GRIA2: variants seen among roughly 807,000 people sequenced by gnomAD.
GRIA2 encodes glutamate ionotropic receptor AMPA type subunit 2, also known as glutamate receptor 2.
GRIA2 carries 14 observed loss-of-function variants against 97.3 expected under a neutral mutation model. That is an observed-to-expected ratio of 0.14 (90% CI 0.10 to 0.23). The LOEUF is 0.23. Ranked by LOEUF, GRIA2 falls within the 10% of genes least tolerant of loss-of-function variation. GRIA2 has a pLI of 1.00. For synonymous variants in GRIA2, 412 were observed against 387.8 expected (o/e 1.06, Z -0.73); for missense variants, 558 against 1,069.8 (o/e 0.52, Z 6.67).
At chr4:157,348,615 T>C (rs1225335136) in intron 12 of GRIA2, among the ~76,000 whole-genome samples, 1 of 152,148 alleles carries the variant, frequency 6.6e-6, no homozygotes, top group Non-Finnish European at 1.5e-5. Context: ...TTCCAAAATA[T>C]GCTATTTCAT....
In GRIA2 at chr4:157,364,642, G is replaced by T. The variant is rs967406253; in HGVS notation, c.*1211G>T. Reference sequence around the variant, plus strand: ...ATTCATTTTAAATGAAGTAAAAAATGCCTTGAAAGTAATTCTTTAGATAGT... The same window carrying T: ...ATTCATTTTAAATGAAGTAAAAAATTCCTTGAAAGTAATTCTTTAGATAGT... On this transcript the variant is annotated 3_prime_UTR_variant, in exon 16 of 16. Transcript: ENST00000264426. The T allele has an allele frequency of 7.2e-5, 11 of 152,086 alleles. No individual in the cohort carries two copies. The highest frequency in any genetic ancestry group is 2.4e-4 in the African/African-American group (10 of 41,382). 9.4% of individuals were successfully genotyped at this position (152,086 alleles called of 1,614,324 possible).
At chr4:157,250,809 T>C (rs1241935189) in intron 2 of GRIA2, among the ~76,000 whole-genome samples, 1 of 152,078 alleles carries the variant, frequency 6.6e-6, no homozygotes, top group Non-Finnish European at 1.5e-5. Context: ...CTTCTCAACT[T>C]ATTCCCAAAG....
chr4:157,229,627 T>A (rs1248800692), intron 2 of GRIA2, among the ~76,000 whole-genome samples: 1 of 152,236 alleles, frequency 6.6e-6, no homozygotes, highest in African/African-American at 2.4e-5. Context: ...TTCAGAATTT[T>A]ACTTCATAAT....
intron 2 of GRIA2, among the ~76,000 whole-genome samples, chr4:157,296,662 G>T (rs1313313986): frequency 6.6e-6 from 1 of 152,138 alleles, no homozygotes; most frequent in Non-Finnish European, 1.5e-5. Context: ...TCTACCAGGT[G>T]CCCAGGGAAA....
At chr4:157,274,397 A>G (rs1732181625) in intron 2 of GRIA2, among the ~76,000 whole-genome samples, 2 of 151,444 alleles carry the variant, frequency 1.3e-5, no homozygotes, top group Non-Finnish European at 2.9e-5. Context: ...TTTAAGTTTT[A>G]GGGTACATGT....
chr4:157,270,928 T>A (rs1731995033), intron 2 of GRIA2, among the ~76,000 whole-genome samples: 1 of 151,870 alleles, frequency 6.6e-6, no homozygotes, highest in Admixed American at 6.6e-5. Context: ...ACAATTTGTT[T>A]TTTTTTTTGC....
At position 157,332,819 on chromosome 4, in the gene GRIA2, T is replaced by C. The variant is rs773054719; in HGVS notation, c.883T>C (p.Tyr295His). 1 of 1,609,250 alleles carries C rather than the reference T, an allele frequency of 6.2e-7. No homozygotes were observed. The highest frequency in any genetic ancestry group is 1.1e-5 in the South Asian group (1 of 90,642). The change falls in exon 7 of 16, where the codon TAT (tyrosine) becomes CAT (histidine). Residue 295 changes from tyrosine (Y) to histidine (H), a missense_variant and splice_region_variant. Physicochemically the swap from Tyr to His is moderately conservative, Grantham distance 83. Transcript: ENST00000264426. Reference sequence around the variant, plus strand: ...ATGAAATGTGTGTGATCCTTTGCAGTATACTTCTGCTCTGACCTATGATGC... The same window carrying C: ...ATGAAATGTGTGTGATCCTTTGCAGCATACTTCTGCTCTGACCTATGATGC... Reference protein sequence around the residue: ...YPGAHTTTIKYTSALTYDAVQ... With the variant: ...YPGAHTTTIKHTSALTYDAVQ...
intron 2 of GRIA2, among the ~76,000 whole-genome samples, chr4:157,239,604 C>T (rs1730411090): frequency 6.6e-6 from 1 of 151,850 alleles, no homozygotes; most frequent in Non-Finnish European, 1.5e-5. Context: ...TGTCTTTCAA[C>T]TTCTTACTTT....
At chr4:157,292,484 CA>C in intron 2 of GRIA2, among the ~76,000 whole-genome samples, 1 of 151,818 alleles carries the variant, frequency 6.6e-6, no homozygotes, top group Non-Finnish European at 1.5e-5. Context: ...CCTTGTTACA[CA>C]AGACATAAAA....
chr4:157,295,540 G>A (rs997168199), intron 2 of GRIA2, among the ~76,000 whole-genome samples: 1 of 152,080 alleles, frequency 6.6e-6, no homozygotes, highest in African/African-American at 2.4e-5. Context: ...GGGAACAGGA[G>A]TGAACAAAGT....
intron 12 of GRIA2, among the ~76,000 whole-genome samples, chr4:157,344,074 C>T (rs1220781914): frequency 3.9e-5 from 6 of 152,040 alleles, no homozygotes. Flanking sequence ...AATTGAATAA[C>T]AGATTCCCTT....
In GRIA2 at chr4:157,320,424, T is replaced by C. The variant is rs201622026; in HGVS notation, c.721-1014T>C. Among the ~76,000 whole-genome samples the C allele has an allele frequency of 3.9e-5, 6 of 152,048 alleles. No individual in the cohort carries two copies. The East Asian group carries it at 9.6e-4, about 24-fold the overall frequency. The stretch of plus-strand genomic sequence containing the variant: ...GGTAAATATGTGAAAAGCAAATATA[T>C]TAAAATTGAATGTTTTGAAGCAACT... On this transcript the variant is annotated intron_variant, in intron 5 of 15. Coordinates refer to ENST00000264426, the MANE Select transcript of GRIA2 (RefSeq NM_001083619.3).
intron 2 of GRIA2, among the ~76,000 whole-genome samples, chr4:157,244,986 G>A (rs896747160): frequency 6.6e-6 from 1 of 151,724 alleles, no homozygotes; most frequent in Admixed American, 6.6e-5. Flanking sequence ...GCCTTGCCCA[G>A]TTTTTTCACT....
At chr4:157,355,916 A>AATATATATATTT (rs1560781079) in intron 12 of GRIA2, among the ~76,000 whole-genome samples, 3 of 26,072 alleles carry the variant, frequency 1.2e-4, no homozygotes, top group African/African-American at 2.0e-4. Context: ...TATATATATT[A>AATATATATATTT]ATATATTTAT....
chr4:157,333,986 C>T (rs998507288), intron 8 of GRIA2, 24 bp from the exon 9 acceptor site: 32 of 1,080,914 alleles, frequency 3.0e-5, no homozygotes, highest in African/African-American at 4.6e-5. Context: ...TATCCATACA[C>T]CTGTCTGCTG....
intron 2 of GRIA2, among the ~76,000 whole-genome samples, chr4:157,235,857 A>T (rs1579293192): frequency 6.6e-6 from 1 of 152,040 alleles, no homozygotes. Flanking sequence ...TATAATAAAT[A>T]CTATTTTAGG....
At chr4:157,345,595 G>T (rs967245783) in intron 12 of GRIA2, among the ~76,000 whole-genome samples, 1 of 152,066 alleles carries the variant, frequency 6.6e-6, no homozygotes, top group Non-Finnish European at 1.5e-5. Flanking sequence ...CCCATATGCA[G>T]TATGTTACTA....
chr4:157,222,213 G>C (rs1392114832), intron 2 of GRIA2, among the ~76,000 whole-genome samples: 1 of 152,048 alleles, frequency 6.6e-6, no homozygotes, highest in Non-Finnish European at 1.5e-5. Flanking sequence ...GCGCGCAGTC[G>C]GGCTGTTGGA....
intron 2 of GRIA2, among the ~76,000 whole-genome samples, chr4:157,225,051 T>G (rs1204167171): frequency 2.0e-5 from 3 of 152,148 alleles, no homozygotes; most frequent in African/African-American, 7.2e-5. Flanking sequence ...ACTAATTTAA[T>G]TTTATTCCTG....
Sources: gnomAD v4.1 joint callset for allele counts (sites outside exome capture counted in the v4.1 genomes callset) on GRCh38, gnomAD v4.1.1 for gene constraint, MANE v1.5 for transcripts, NCBI Gene and HGNC (gene_info 2026-07-23, HGNC 2026-07-21) for gene names.